Variants in CHODL observed in about 807,000 individuals in gnomAD.
The protein encoded by CHODL is chondrolectin.
A neutral mutation model predicts 34.5 loss-of-function variants in CHODL; 29 were observed. That is an observed-to-expected ratio of 0.84 (90% CI 0.63 to 1.15). The LOEUF is 1.15. CHODL is among the 50% of genes most tolerant of loss of function. CHODL has a pLI of 0.00. For missense variants in CHODL, 332 were observed against 332.5 expected, an observed-to-expected ratio of 1.00 and a Z score of 0.01; for synonymous variants, 125 against 116.1, an observed-to-expected ratio of 1.08 and a Z score of -0.49.
rs183806654 is a variant in CHODL, at chr21:18,170,107, T to A, written c.-44-86402T>A. On this transcript the variant is annotated intron_variant, in intron 2 of 6. Transcript: ENST00000400127. ...GTTTTAATTTCTTGCATTTTGGGGC[T>A]TTTTTGGTGCATGTATATTTTCATT... 5.9e-5 allele frequency among the ~76,000 whole-genome samples: 9 copies of A among 152,152 alleles called. No homozygotes were observed. In the East Asian group the frequency reaches 1.5e-3, roughly 26 times the overall value.
chr21:17,989,797 C>T (rs896977678), intron 1 of CHODL, among the ~76,000 whole-genome samples: 10 of 152,224 alleles, frequency 6.6e-5, no homozygotes, highest in South Asian at 2.1e-4. Flanking sequence ...ATTGGTACTA[C>T]GGACTAAACA....
At chr21:18,221,814 G>T (rs1271364886) in intron 2 of CHODL, among the ~76,000 whole-genome samples, 1 of 152,198 alleles carries the variant, frequency 6.6e-6, no homozygotes, top group Non-Finnish European at 1.5e-5. Flanking sequence ...TCATATTTGA[G>T]CCTCTGAGCA....
At chr21:18,042,593 CT>C (rs2064389617) in intron 2 of CHODL, among the ~76,000 whole-genome samples, 1 of 151,970 alleles carries the variant, frequency 6.6e-6, no homozygotes, top group East Asian at 1.9e-4. Context: ...TAAACCATAG[CT>C]TAGTGACCTC....
chr21:17,993,491 A>G (rs1401564864), intron 1 of CHODL, among the ~76,000 whole-genome samples: 1 of 152,182 alleles, frequency 6.6e-6, no homozygotes, highest in Non-Finnish European at 1.5e-5. Flanking sequence ...TTCCTGTGCT[A>G]GTTTGCTAAG....
At position 18,028,334 on chromosome 21, in the gene CHODL, T is replaced by C. The variant is rs2064207101; in HGVS notation, c.-45+363T>C. Among the ~76,000 whole-genome samples, 6 of 95,442 alleles carry C rather than the reference T, an allele frequency of 6.3e-5. No homozygotes were observed. The East Asian group carries it at 7.3e-4, about 12-fold the overall frequency. 62.6% of individuals were successfully genotyped at this position (95,442 alleles called of 152,430 possible). A position where few individuals can be genotyped will look rare whatever the true frequency, so the allele number is the denominator to read the frequency against. On this transcript the variant is annotated intron_variant, in intron 2 of 6. Transcript: ENST00000400127. ...TCCTTCCTTCCTTCCTTCCTTCCTC[T>C]CTGTTTCTTTCTTCTATCTGTGTAA...
intron 1 of CHODL, among the ~76,000 whole-genome samples, chr21:17,933,398 T>A (rs1043953093): frequency 2.0e-5 from 3 of 152,206 alleles, no homozygotes; most frequent in African/African-American, 7.2e-5. Context: ...CCTTCCGCAG[T>A]GTTTGAGTCC....
At chr21:17,923,805 C>G (rs1036884158) in intron 1 of CHODL, among the ~76,000 whole-genome samples, 1 of 152,182 alleles carries the variant, frequency 6.6e-6, no homozygotes, top group Non-Finnish European at 1.5e-5. Context: ...GAACAAAATA[C>G]TTGTTCTTAA....
At chr21:18,182,547 G>T (rs1350740017) in intron 2 of CHODL, among the ~76,000 whole-genome samples, 1 of 152,132 alleles carries the variant, frequency 6.6e-6, no homozygotes, top group East Asian at 1.9e-4. Context: ...TGGAAAAAAA[G>T]GATCTGTTGG....
At chr21:18,088,838 A>G (rs2065038569) in intron 2 of CHODL, among the ~76,000 whole-genome samples, 1 of 152,200 alleles carries the variant, frequency 6.6e-6, no homozygotes, top group South Asian at 2.1e-4. Flanking sequence ...AGGAGCAGCA[A>G]TGGATTTGTC....
At chr21:18,003,920 A>G (rs907269954) in intron 1 of CHODL, among the ~76,000 whole-genome samples, 1 of 152,192 alleles carries the variant, frequency 6.6e-6, no homozygotes, top group African/African-American at 2.4e-5. Context: ...AATAATTCTC[A>G]TTATATATTA....
chr21:18,194,361 C>G (rs2073555607), intron 2 of CHODL, among the ~76,000 whole-genome samples: 1 of 152,200 alleles, frequency 6.6e-6, no homozygotes, highest in Non-Finnish European at 1.5e-5. Flanking sequence ...TCCCCTGACT[C>G]TAGGTCTCCA....
At chr21:17,970,896 C>T (rs761968189) in intron 1 of CHODL, among the ~76,000 whole-genome samples, 1 of 152,048 alleles carries the variant, frequency 6.6e-6, no homozygotes, top group Non-Finnish European at 1.5e-5. Context: ...CCCCCACCCC[C>T]CAACAGGCCC....
intron 1 of CHODL, among the ~76,000 whole-genome samples, chr21:17,966,145 A>T (rs545790754): frequency 6.6e-6 from 1 of 152,276 alleles, no homozygotes; most frequent in Non-Finnish European, 1.5e-5. Flanking sequence ...CATTCATGTC[A>T]TCAGCCAATA....
intron 1 of CHODL, among the ~76,000 whole-genome samples, chr21:17,963,160 C>T (rs2063546054): frequency 6.6e-6 from 1 of 152,054 alleles, no homozygotes; most frequent in African/African-American, 2.4e-5. Context: ...AAAAAGTTTT[C>T]TTCATTCTCT....
intron 4 of CHODL, among the ~76,000 whole-genome samples, chr21:18,261,734 T>C (rs2074385264): frequency 1.3e-5 from 2 of 152,118 alleles, no homozygotes; most frequent in Admixed American, 1.3e-4. Context: ...TGAGCAGATG[T>C]TTATTAATTT....
chr21:18,208,414 C>T (rs2073737373), intron 2 of CHODL, among the ~76,000 whole-genome samples: 1 of 152,002 alleles, frequency 6.6e-6, no homozygotes, highest in Non-Finnish European at 1.5e-5. Flanking sequence ...ATTGAGTTTC[C>T]TTAAAAACAG....
chr21:18,126,581 C>T (rs765614200), intron 2 of CHODL, among the ~76,000 whole-genome samples: 5 of 151,244 alleles, frequency 3.3e-5, no homozygotes, highest in Admixed American at 1.3e-4. Flanking sequence ...TCCATGAACA[C>T]GGGATATCTT....
intron 1 of CHODL, among the ~76,000 whole-genome samples, chr21:17,946,692 G>T (rs997408108): frequency 3.3e-5 from 5 of 152,100 alleles, no homozygotes; most frequent in Non-Finnish European, 5.9e-5. Context: ...GGTGTTTAAA[G>T]TCTATTTTAC....
chr21:18,134,750 T>C (rs905575587), intron 2 of CHODL, among the ~76,000 whole-genome samples: 2 of 152,190 alleles, frequency 1.3e-5, no homozygotes, highest in Non-Finnish European at 1.5e-5. Flanking sequence ...AACTTAAGTT[T>C]TGCACATTTG....
Sources: allele counts gnomAD v4.1 joint callset (sites outside exome capture counted in the v4.1 genomes callset), GRCh38; gene constraint gnomAD v4.1.1; transcripts MANE v1.5; gene names NCBI Gene and HGNC (gene_info 2026-07-23, HGNC 2026-07-21).